The following LRCH1 variants were observed in gnomAD, a reference collection of about 807,000 sequenced individuals.
LRCH1 encodes the protein leucine-rich repeat and calponin homology domain-containing protein 1.
Under a neutral mutation model 94.9 loss-of-function variants are expected in LRCH1, and 23 were observed. That is an observed-to-expected ratio of 0.24 (90% confidence interval 0.17 to 0.34). LRCH1 has a LOEUF of 0.34. LRCH1 is among the 10% of genes least tolerant of loss of function. LRCH1 has a pLI of 1.00. For missense variants in LRCH1, 790 were observed against 945.9 expected (o/e 0.84, Z 2.16); for synonymous variants, 364 against 354.9 (o/e 1.03, Z -0.29).
chr13:46,722,230 T>C (rs938020257), intron 16 of LRCH1, among the ~76,000 whole-genome samples: 1 of 152,170 alleles, frequency 6.6e-6, no homozygotes, highest in Non-Finnish European at 1.5e-5. Flanking sequence ...ATTTCTAACA[T>C]TGGAGTTCTC....
At chr13:46,745,032 G>A (rs975586792), downstream of LRCH1, 27 of 514,792 alleles carry the variant, frequency 5.2e-5, no homozygotes, top group African/African-American at 5.0e-4. Context: ...AGGCCCTGGG[G>A]ATAAAAAAGT....
At chr13:46,662,162 G>T (rs1207248162) in intron 2 of LRCH1, among the ~76,000 whole-genome samples, 3 of 152,182 alleles carry the variant, frequency 2.0e-5, no homozygotes, top group Non-Finnish European at 4.4e-5. Flanking sequence ...TTGGTAGGTG[G>T]TATGGAAGAG....
intron 3 of LRCH1, among the ~76,000 whole-genome samples, chr13:46,672,148 T>C (rs1329540956): frequency 6.6e-6 from 1 of 152,230 alleles, no homozygotes; most frequent in African/African-American, 2.4e-5. Context: ...GTATGTAGCC[T>C]TTTCAGGTTG....
intron 1 of LRCH1, among the ~76,000 whole-genome samples, chr13:46,610,519 G>A (rs746899670): frequency 2.0e-5 from 3 of 149,770 alleles, no homozygotes; most frequent in Non-Finnish European, 3.0e-5. Context: ...GTAGGTTTTT[G>A]GGGAATAGGT....
intron 1 of LRCH1, among the ~76,000 whole-genome samples, chr13:46,590,770 G>A (rs1052937830): frequency 6.6e-6 from 1 of 152,202 alleles, no homozygotes; most frequent in African/African-American, 2.4e-5. Flanking sequence ...GCAGGCAGAT[G>A]TTTTCTCAAA....
chr13:46,597,781 C>G (rs2050581143), intron 1 of LRCH1, among the ~76,000 whole-genome samples: 1 of 148,894 alleles, frequency 6.7e-6, no homozygotes. Flanking sequence ...TGTCAATGAA[C>G]CAACAACTTA....
chr13:46,566,007 T>C (rs1459927335), intron 1 of LRCH1, among the ~76,000 whole-genome samples: 2 of 151,942 alleles, frequency 1.3e-5, no homozygotes, highest in Non-Finnish European at 2.9e-5. Context: ...GCTCTTGTTT[T>C]GGCCTCCAGA....
chr13:46,554,919 A>G (rs924759896), intron 1 of LRCH1, among the ~76,000 whole-genome samples: 1 of 152,242 alleles, frequency 6.6e-6, no homozygotes, highest in African/African-American at 2.4e-5. Context: ...AGGAGCACCC[A>G]GTTTAATCTT....
chr13:46,664,965 T>C (rs2051496416), intron 2 of LRCH1, among the ~76,000 whole-genome samples: 1 of 152,180 alleles, frequency 6.6e-6, no homozygotes, highest in African/African-American at 2.4e-5. Flanking sequence ...GGAGGGGCAG[T>C]CTCTTGACAA....
At chr13:46,653,622 C>T (rs1391548456) in intron 2 of LRCH1, among the ~76,000 whole-genome samples, 2 of 151,870 alleles carry the variant, frequency 1.3e-5, no homozygotes, top group African/African-American at 2.4e-5. Flanking sequence ...CCCAGGAGTT[C>T]GTGACCAGCC....
At chr13:46,595,753 A>G (rs1339166296) in intron 1 of LRCH1, among the ~76,000 whole-genome samples, 2 of 152,230 alleles carry the variant, frequency 1.3e-5, no homozygotes, top group Non-Finnish European at 2.9e-5. Flanking sequence ...TCAAGGAAAC[A>G]AAAAGAACAG....
intron 3 of LRCH1, among the ~76,000 whole-genome samples, chr13:46,672,684 C>G (rs2051617169): frequency 6.6e-6 from 1 of 152,224 alleles, no homozygotes; most frequent in African/African-American, 2.4e-5. Context: ...CTTGGGCACC[C>G]TGTCCTGGCC....
At chr13:46,562,564 A>G (rs2050141535) in intron 1 of LRCH1, among the ~76,000 whole-genome samples, 1 of 152,174 alleles carries the variant, frequency 6.6e-6, no homozygotes, top group South Asian at 2.1e-4. Context: ...TTCTTTAAAG[A>G]CTTTGTCTCT....
intron 2 of LRCH1, among the ~76,000 whole-genome samples, chr13:46,663,875 T>C (rs2051480985): frequency 6.6e-6 from 1 of 152,202 alleles, no homozygotes. Context: ...ATTTCCTTAA[T>C]AGTTTTGTGA....
At chr13:46,652,070 T>TG (rs1219606691) in intron 2 of LRCH1, among the ~76,000 whole-genome samples, 5 of 132,376 alleles carry the variant, frequency 3.8e-5, no homozygotes, top group African/African-American at 1.4e-4. Flanking sequence ...TTTTTTTTTT[T>TG]TTTTTGTTTT....
chr13:46,614,321 C>T (rs1258115761), intron 1 of LRCH1, among the ~76,000 whole-genome samples: 3 of 152,196 alleles, frequency 2.0e-5, no homozygotes, highest in Non-Finnish European at 2.9e-5. Flanking sequence ...AGTTAGCCAT[C>T]ACTGAATTCT....
At chr13:46,595,880 T>TTTG (rs3068693) in intron 1 of LRCH1, among the ~76,000 whole-genome samples, 3 of 151,288 alleles carry the variant, frequency 2.0e-5, no homozygotes, top group Non-Finnish European at 4.4e-5. Context: ...TTTTTTTTTT[T>TTTG]GAATATTTTA....
At chr13:46,689,284 G>C in intron 7 of LRCH1, 88 bp downstream of exon 7, 1 of 921,512 alleles carries the variant, frequency 1.1e-6, no homozygotes, top group South Asian at 1.7e-5. Flanking sequence ...AAAGGGCATC[G>C]ATTCATTTGT....
intron 11 of LRCH1, among the ~76,000 whole-genome samples, chr13:46,703,164 G>T (rs1871574425): frequency 6.6e-6 from 1 of 152,208 alleles, no homozygotes; most frequent in Non-Finnish European, 1.5e-5. Context: ...GTGTATCCAT[G>T]CATGTGTATG....
Sources: allele counts gnomAD v4.1 joint callset (sites outside exome capture counted in the v4.1 genomes callset), GRCh38; gene constraint gnomAD v4.1.1; transcripts MANE v1.5; gene names NCBI Gene and HGNC (gene_info 2026-07-23, HGNC 2026-07-21).